Variants in FMNL2 observed in about 807,000 individuals in gnomAD.
The protein encoded by FMNL2 is formin-like protein 2.
Under a neutral mutation model 130.2 loss-of-function variants are expected in FMNL2, and 51 were observed. The ratio of observed to expected loss-of-function variants is 0.39; its 90% CI spans 0.31 to 0.49. The LOEUF (loss-of-function observed/expected upper bound fraction) is 0.49, where lower values mean the gene tolerates loss of function less well. Ranked by LOEUF, FMNL2 falls within the 20% of genes least tolerant of loss-of-function variation. The pLI is 0.85. For missense variants in FMNL2, 977 were observed against 1,316.2 expected, an observed-to-expected ratio of 0.74 and a Z score of 3.99; for synonymous variants, 465 against 467.1, an observed-to-expected ratio of 1.00 and a Z score of 0.06.
At position 152,412,498 on chromosome 2, in the gene FMNL2, AT is replaced by A. The variant is rs1558841125; in HGVS notation, c.117+76779del. Among the ~76,000 whole-genome samples the A allele has an allele frequency of 1.5e-3, 132 of 87,092 alleles. 3 individuals are homozygous for A. Among genetic ancestry groups the A allele is most frequent in the Middle Eastern group, 6.0e-3 (1 of 166 alleles). The allele number at this position is 87,092 out of a possible 152,430, so 57.1% of individuals were successfully genotyped here. A position where few individuals can be genotyped will look rare whatever the true frequency, so the allele number is the denominator to read the frequency against. ...TATATATATATATATATATATATATATATAAATTAGAAAAAAATTGAAACAG... is the reference window on the plus strand; with the variant it reads ...TATATATATATATATATATATATATAATAAATTAGAAAAAAATTGAAACAG... On this transcript the variant is annotated intron_variant, in intron 1 of 25. Transcript: ENST00000288670.
chr2:152,527,897 C>A (rs1157763490), intron 2 of FMNL2, among the ~76,000 whole-genome samples: 1 of 152,002 alleles, frequency 6.6e-6, no homozygotes, highest in Non-Finnish European at 1.5e-5. Flanking sequence ...CTCCAATGAT[C>A]CCTTTTCTTT....
Position 152,335,308 on chromosome 2 carries a change from C to T in FMNL2, c.-296C>T. 5.5e-6 allele frequency: 1 copy of T among 180,432 alleles called. No homozygotes were observed. Among genetic ancestry groups the T allele is most frequent in the Non-Finnish European group, 1.1e-5 (1 of 87,474 alleles). The allele number at this position is 180,432 out of a possible 1,614,324, so 11.2% of individuals were successfully genotyped here. On this transcript the variant is annotated 5_prime_UTR_variant, in exon 1 of 26. Coordinates refer to ENST00000288670, the MANE Select transcript of FMNL2 (RefSeq NM_052905.4). ...GGGGGCCGCGATCTCTGGCAGGGGG[C>T]GGTGTGCCAGCGGAGCACCATGCAC...
At chr2:152,631,315 C>T (rs538909638) in intron 20 of FMNL2, among the ~76,000 whole-genome samples, 132 of 144,982 alleles carry the variant, frequency 9.1e-4, no homozygotes, top group African/African-American at 3.2e-3. Context: ...ATCGCTTGAA[C>T]GCAGGAGGTG....
rs888280022 is a variant in FMNL2, at chr2:152,390,258, C to T, written c.117+54538C>T. The stretch of plus-strand genomic sequence containing the variant: ...GGTGGTGGACATCCAGGGGCAGCAC[C>T]TCCGGGTGGGGCTCAAGGGGCAGCC... On this transcript the variant is annotated intron_variant, in intron 1 of 25. Coordinates refer to ENST00000288670, the MANE Select transcript of FMNL2 (RefSeq NM_052905.4). 4.8e-6 allele frequency: 7 copies of T among 1,452,948 alleles called. No homozygotes were observed. The African/African-American group carries it at 9.7e-5, about 20-fold the overall frequency. 90.0% of individuals were successfully genotyped at this position (1,452,948 alleles called of 1,614,324 possible).
chr2:152,348,992 G>T (rs1333111047), intron 1 of FMNL2, among the ~76,000 whole-genome samples: 1 of 144,484 alleles, frequency 6.9e-6, no homozygotes. Context: ...CCGCCACCGC[G>T]CCCGGCTAAT....
At chr2:152,601,668 T>G (rs369359283) in intron 9 of FMNL2, among the ~76,000 whole-genome samples, 18 of 12,498 alleles carry the variant, frequency 1.4e-3, no homozygotes, top group African/African-American at 4.3e-3. Flanking sequence ...TTTTCTTTTC[T>G]TTCTTTTTTT....
chr2:152,364,882 C>T (rs937689671), intron 1 of FMNL2, among the ~76,000 whole-genome samples: 3 of 152,216 alleles, frequency 2.0e-5, no homozygotes, highest in Non-Finnish European at 2.9e-5. Flanking sequence ...TAGAACACCC[C>T]TCCTGCAAAC....
Position 152,580,982 on chromosome 2 carries a change from T to G in FMNL2, c.809T>G (p.Leu270Trp). 6.2e-7 allele frequency: 1 copy of G among 1,613,928 alleles called. No individual in the cohort carries two copies. The highest frequency in any genetic ancestry group is 8.5e-7 in the Non-Finnish European group (1 of 1,179,852). Reference protein sequence around the residue: ...PRTKALVLELLAAVCLVRGGH... With the variant: ...PRTKALVLELWAAVCLVRGGH... ...ACAAAAGCCCTTGTCTTAGAACTGTTGGCAGCCGTTTGTCTTGTCAGAGGC... is the reference window on the plus strand; with the variant it reads ...ACAAAAGCCCTTGTCTTAGAACTGTGGGCAGCCGTTTGTCTTGTCAGAGGC... Residue 270 changes from leucine to tryptophan, a missense_variant, in exon 9 of 26, where the codon TTG (leucine) becomes TGG (tryptophan). Physicochemically the swap from Leu to Trp is moderately conservative, Grantham distance 61. Coordinates refer to ENST00000288670, the MANE Select transcript of FMNL2 (RefSeq NM_052905.4).
chr2:152,560,652 C>T (rs1443336218), intron 5 of FMNL2, among the ~76,000 whole-genome samples: 2 of 152,142 alleles, frequency 1.3e-5, no homozygotes, highest in African/African-American at 2.4e-5. Flanking sequence ...ATTTTTGCTG[C>T]TCATTGTTCC....
chr2:152,386,882 C>T (rs1274838507), intron 1 of FMNL2, among the ~76,000 whole-genome samples: 2 of 152,152 alleles, frequency 1.3e-5, no homozygotes, highest in East Asian at 3.8e-4. Flanking sequence ...TTTATCTCAA[C>T]AAAGGTAGAG....
At chr2:152,352,932 A>G (rs919539934) in intron 1 of FMNL2, among the ~76,000 whole-genome samples, 7 of 152,184 alleles carry the variant, frequency 4.6e-5, no homozygotes, top group African/African-American at 1.7e-4. Flanking sequence ...ATATTGTGTT[A>G]GTAGGCCTTG....
At chr2:152,469,005 C>T (rs375625163) in intron 1 of FMNL2, among the ~76,000 whole-genome samples, 7 of 152,272 alleles carry the variant, frequency 4.6e-5, no homozygotes, top group African/African-American at 1.7e-4. Flanking sequence ...TGTAAATTAC[C>T]TCTTTGACTC....
At chr2:152,413,380 C>T (rs781358508) in intron 1 of FMNL2, among the ~76,000 whole-genome samples, 3 of 152,050 alleles carry the variant, frequency 2.0e-5, no homozygotes, top group Non-Finnish European at 4.4e-5. Context: ...TGATTGATGC[C>T]GGGAAAGTTT....
rs543463253 is a variant in FMNL2 at position 152,648,364 on chromosome 2, A to C, written c.*459A>C. 6.4e-6 allele frequency: 1 copy of C among 155,204 alleles called. No individual in the cohort carries two copies. The highest frequency in any genetic ancestry group is 6.3e-5 in the Admixed American group (1 of 15,750). 9.6% of individuals were successfully genotyped at this position (155,204 alleles called of 1,614,324 possible). A position where few individuals can be genotyped will look rare whatever the true frequency, so the allele number is the denominator to read the frequency against. On this transcript the variant is annotated 3_prime_UTR_variant, in exon 26 of 26. Transcript: ENST00000288670. ...ATTTTACTTGCAATTTGGAAGAAGG[A>C]AAGTCACATGATGAAACTCCTTTTG...
At position 152,625,519 on chromosome 2, in the gene FMNL2, A is replaced by G. The variant is rs755228626; in HGVS notation, c.1919A>G (p.Asn640Ser). ...GTTGCTCTGAAGCCCAATCAGATCAATGGCACAGTCTTCAATGAAATTGAT... is the reference window on the plus strand; with the variant it reads ...GTTGCTCTGAAGCCCAATCAGATCAGTGGCACAGTCTTCAATGAAATTGAT... ...NWVALKPNQINGTVFNEIDDE... is the reference protein window; with the variant it reads ...NWVALKPNQISGTVFNEIDDE... The change falls in exon 16 of 26, where the codon AAT becomes AGT. Residue 640 changes from asparagine to serine, a missense_variant. By Grantham distance (46) the Asn-to-Ser change is conservative. Around this residue, in one of 4 missense-constraint regions of FMNL2, gnomAD observed 689 missense variants for 995.9 expected, o/e 0.69. Coordinates refer to ENST00000288670, the MANE Select transcript of FMNL2 (RefSeq NM_052905.4). The G allele has an allele frequency of 1.1e-5, 18 of 1,611,122 alleles. No individual in the cohort carries two copies. The South Asian group carries it at 1.3e-4, about 12-fold the overall frequency.
chr2:152,355,375 G>A (rs1298349988), intron 1 of FMNL2, among the ~76,000 whole-genome samples: 2 of 152,188 alleles, frequency 1.3e-5, no homozygotes, highest in African/African-American at 4.8e-5. Flanking sequence ...ACCTTGATGG[G>A]TCATCCCCGG....
chr2:152,488,690 T>C (rs1299105255), intron 1 of FMNL2, among the ~76,000 whole-genome samples: 2 of 152,214 alleles, frequency 1.3e-5, no homozygotes, highest in African/African-American at 4.8e-5. Flanking sequence ...CTTAATTAAT[T>C]TGCCTCCAAA....
At chr2:152,349,584 T>C (rs1263114210) in intron 1 of FMNL2, among the ~76,000 whole-genome samples, 1 of 152,232 alleles carries the variant, frequency 6.6e-6, no homozygotes, top group Non-Finnish European at 1.5e-5. Context: ...ATACAATAGC[T>C]GCTTTGAATG....
intron 9 of FMNL2, among the ~76,000 whole-genome samples, chr2:152,601,303 C>CTTTTTTTTTTTTTTTT (rs10567754): frequency 7.4e-6 from 1 of 134,740 alleles, no homozygotes. Context: ...TTTCTTTTTT[C>CTTTTTTTTTTTTTTTT]TTTTTTTTTT....
Sources: allele counts gnomAD v4.1 joint callset (sites outside exome capture counted in the v4.1 genomes callset), GRCh38; gene constraint gnomAD v4.1.1; regional missense constraint gnomAD v4.1.1; transcripts MANE v1.5; gene names NCBI Gene and HGNC (gene_info 2026-07-23, HGNC 2026-07-21).